Variants in BACH2 observed in about 807,000 individuals in gnomAD.
BACH2 encodes transcription regulator protein BACH2.
A neutral mutation model predicts 61.8 loss-of-function variants in BACH2; 5 were observed. The ratio of observed to expected loss-of-function variants is 0.08; its 90% CI spans 0.04 to 0.17. The LOEUF is 0.17. Among genes scored for constraint, BACH2 ranks in the 10% least tolerant of loss-of-function variants. The probability of loss-of-function intolerance (pLI) is 1.00; values close to 1 mark genes in which losing one functional copy is unlikely to be tolerated. For missense variants in BACH2, 824 were observed against 1,091.1 expected, an observed-to-expected ratio of 0.76 and a Z score of 3.45; for synonymous variants, 446 against 440.1, an observed-to-expected ratio of 1.01 and a Z score of -0.17.
chr6:90,278,817 C>T (rs1334153629), intron 1 of BACH2, among the ~76,000 whole-genome samples: 2 of 152,142 alleles, frequency 1.3e-5, no homozygotes, highest in Non-Finnish European at 2.9e-5. Context: ...TCACTCTAGA[C>T]TTTAGAGACT....
intron 5 of BACH2, among the ~76,000 whole-genome samples, chr6:90,058,937 C>G (rs1192738086): frequency 2.8e-4 from 42 of 152,330 alleles, no homozygotes; most frequent in Non-Finnish European, 5.3e-4. Flanking sequence ...AAAGCTGAAA[C>G]TGGATCCCTT....
chr6:90,228,815 G>A (rs559351806), intron 3 of BACH2, among the ~76,000 whole-genome samples: 1 of 152,324 alleles, frequency 6.6e-6, no homozygotes, highest in South Asian at 2.1e-4. Context: ...AAATGAGGCT[G>A]AGAACTTTAC....
chr6:90,146,986 A>G (rs1193602799), intron 4 of BACH2, among the ~76,000 whole-genome samples: 1 of 152,108 alleles, frequency 6.6e-6, no homozygotes, highest in Non-Finnish European at 1.5e-5. Flanking sequence ...GCTCGATCCT[A>G]CTCTTTCATT....
intron 4 of BACH2, among the ~76,000 whole-genome samples, chr6:90,119,444 T>C (rs1164778504): frequency 1.3e-5 from 2 of 152,230 alleles, no homozygotes; most frequent in Admixed American, 1.3e-4. Flanking sequence ...TAAAATACCC[T>C]GTACATTATA....
chr6:90,065,591 C>T lies in BACH2; in HGVS notation c.-13+23370G>A, dbSNP rs73497180. Among the ~76,000 whole-genome samples, 624 of 152,224 alleles carry T rather than the reference C, an allele frequency of 4.1e-3. 8 individuals carry two copies. The highest frequency in any genetic ancestry group is 0.014 in the African/African-American group (581 of 41,528). ...CCTATTTATAAAAACAGGTGGCAGG[C>T]CTGTGGGCTATGGTTCGCCTACCTC... On this transcript the variant is annotated intron_variant, in intron 5 of 8. Transcript: ENST00000257749.
intron 3 of BACH2, among the ~76,000 whole-genome samples, chr6:90,227,260 C>A (rs919491585): frequency 2.6e-5 from 4 of 152,196 alleles, no homozygotes; most frequent in Non-Finnish European, 4.4e-5. Flanking sequence ...GGAGTCTGCT[C>A]CACGCATTCT....
At chr6:90,042,151 G>A (rs1029176039) in intron 5 of BACH2, among the ~76,000 whole-genome samples, 2 of 152,090 alleles carry the variant, frequency 1.3e-5, no homozygotes, top group Non-Finnish European at 2.9e-5. Context: ...GACCACTAAA[G>A]GAACCCAGCA....
intron 5 of BACH2, among the ~76,000 whole-genome samples, chr6:90,041,047 T>A (rs1424850772): frequency 1.3e-5 from 2 of 152,260 alleles, no homozygotes; most frequent in East Asian, 3.9e-4. Context: ...CCTTTTGACT[T>A]TTTACACTTC....
At chr6:90,177,178 T>C (rs933849872) in intron 4 of BACH2, among the ~76,000 whole-genome samples, 7 of 152,194 alleles carry the variant, frequency 4.6e-5, no homozygotes, top group African/African-American at 1.7e-4. Flanking sequence ...AACTGCAGTC[T>C]GCTCGCTTTA....
rs554915869 is a variant in BACH2, at chr6:89,927,814, T to C, written c.*4594A>G. ...TTTTTGCACCGTCAGTTGAATAATTTATGCTCAATCTGCCACAATGAGACT... is the reference window on the plus strand; with the variant it reads ...TTTTTGCACCGTCAGTTGAATAATTCATGCTCAATCTGCCACAATGAGACT... On this transcript the variant is annotated 3_prime_UTR_variant, in exon 9 of 9. Coordinates refer to ENST00000257749, the MANE Select transcript of BACH2 (RefSeq NM_021813.4). 1.3e-5 allele frequency: 2 copies of C among 152,940 alleles called. No homozygotes were observed. Among genetic ancestry groups the C allele is most frequent in the South Asian group, 4.1e-4 (2 of 4,824 alleles). 9.5% of individuals were successfully genotyped at this position (152,940 alleles called of 1,614,324 possible). A position where few individuals can be genotyped will look rare whatever the true frequency, so the allele number is the denominator to read the frequency against.
At chr6:90,077,051 A>G (rs947892142) in intron 5 of BACH2, among the ~76,000 whole-genome samples, 2 of 152,114 alleles carry the variant, frequency 1.3e-5, no homozygotes, top group African/African-American at 4.8e-5. Flanking sequence ...ACACTATTCA[A>G]CCAAAGGAAT....
chr6:90,128,255 A>AT (rs1187263294), intron 4 of BACH2, among the ~76,000 whole-genome samples: 3 of 151,804 alleles, frequency 2.0e-5, no homozygotes, highest in Admixed American at 6.6e-5. Context: ...GGCTTTGGGG[A>AT]TTTTTTTTCC....
chr6:90,075,529 A>C (rs1163251875), intron 5 of BACH2, among the ~76,000 whole-genome samples: 1 of 149,432 alleles, frequency 6.7e-6, no homozygotes, highest in East Asian at 2.0e-4. Context: ...TGGATGAATA[A>C]AATAAGACTG....
At chr6:89,959,757 T>C (rs1046540418) in intron 6 of BACH2, among the ~76,000 whole-genome samples, 3 of 152,224 alleles carry the variant, frequency 2.0e-5, no homozygotes, top group African/African-American at 7.2e-5. Context: ...ATGTTGGTTA[T>C]TTACTATTGT....
At chr6:90,101,270 T>C (rs1782614255) in intron 4 of BACH2, among the ~76,000 whole-genome samples, 1 of 152,218 alleles carries the variant, frequency 6.6e-6, no homozygotes, top group Admixed American at 6.5e-5. Context: ...AATTTTTCTT[T>C]TGTCTTTTGT....
At chr6:90,011,662 C>A (rs955280651) in intron 5 of BACH2, among the ~76,000 whole-genome samples, 1 of 152,034 alleles carries the variant, frequency 6.6e-6, no homozygotes, top group Non-Finnish European at 1.5e-5. Flanking sequence ...TTTTTGTATT[C>A]CTGTAATCCC....
At chr6:90,295,062 G>C (rs1175357885) in intron 1 of BACH2, among the ~76,000 whole-genome samples, 1 of 152,216 alleles carries the variant, frequency 6.6e-6, no homozygotes, top group African/African-American at 2.4e-5. Flanking sequence ...AGACAGCGAA[G>C]GTGAAAACCA....
chr6:90,133,527 T>TTTA (rs536335750), intron 4 of BACH2, among the ~76,000 whole-genome samples: 1,766 of 141,722 alleles, frequency 0.012, 43 homozygotes, highest in African/African-American at 0.052. Flanking sequence ...TTTTATTTTA[T>TTTA]TTTATTTATT....
At chr6:90,000,397 G>C (rs1245635577) in intron 6 of BACH2, among the ~76,000 whole-genome samples, 1 of 152,120 alleles carries the variant, frequency 6.6e-6, no homozygotes, top group Non-Finnish European at 1.5e-5. Flanking sequence ...TTATTTATTT[G>C]CTTTTTTTTC....
Sources: allele counts gnomAD v4.1 joint callset (sites outside exome capture counted in the v4.1 genomes callset), GRCh38; gene constraint gnomAD v4.1.1; transcripts MANE v1.5; gene names NCBI Gene and HGNC (gene_info 2026-07-23, HGNC 2026-07-21).